Variants in TERB1 observed in about 807,000 individuals in gnomAD.
The protein encoded by TERB1 is telomere repeats-binding bouquet formation protein 1.
In TERB1, 63 loss-of-function variants were observed where a neutral mutation model predicts 92.3. The ratio of observed to expected loss-of-function variants is 0.68; its 90% confidence interval spans 0.56 to 0.84. The LOEUF is 0.84. Among genes scored for constraint, TERB1 ranks in the 40% least tolerant of loss-of-function variants. The pLI is 0.00. For missense variants in TERB1, 709 were observed against 843.7 expected (o/e 0.84, Z 1.98); for synonymous variants, 252 against 283.9 (o/e 0.89, Z 1.13).
chr16:66,763,041 A>G (rs2018278855), intron 16 of TERB1, among the ~76,000 whole-genome samples: 1 of 152,136 alleles, frequency 6.6e-6, no homozygotes, highest in Non-Finnish European at 1.5e-5. Flanking sequence ...TTCATGCTTA[A>G]TATAATCTAA....
chr16:66,796,924 C>A (rs1597029320), intron 2 of TERB1, 94 bp from the exon 3 acceptor site: 2 of 607,138 alleles, frequency 3.3e-6, no homozygotes, highest in East Asian at 3.0e-5. Context: ...TTTCCTGAAG[C>A]CAAAAGACCG....
At chr16:66,763,741 TG>T (rs1020217945) in intron 16 of TERB1, among the ~76,000 whole-genome samples, 1 of 152,060 alleles carries the variant, frequency 6.6e-6, no homozygotes, top group Admixed American at 6.6e-5. Context: ...AAATAAAAGT[TG>T]GAAAAACATT....
intron 16 of TERB1, among the ~76,000 whole-genome samples, chr16:66,763,495 T>G (rs2018287088): frequency 6.6e-6 from 1 of 152,206 alleles, no homozygotes; most frequent in Admixed American, 6.5e-5. Flanking sequence ...GTGTTTTTAC[T>G]AGAATTCCAT....
chr16:66,771,183 A>T (rs971729072), intron 13 of TERB1, among the ~76,000 whole-genome samples: 1 of 152,216 alleles, frequency 6.6e-6, no homozygotes, highest in Admixed American at 6.6e-5. Context: ...ATAGGAAAGG[A>T]AATATTAATA....
At chr16:66,784,225 C>G (rs1380875464) in intron 9 of TERB1, among the ~76,000 whole-genome samples, 1 of 140,744 alleles carries the variant, frequency 7.1e-6, no homozygotes, top group Non-Finnish European at 1.5e-5. Context: ...AATTATTTTT[C>G]TCTATTTCAC....
At chr16:66,778,211 G>A (rs908422665) in intron 10 of TERB1, among the ~76,000 whole-genome samples, 1 of 151,982 alleles carries the variant, frequency 6.6e-6, no homozygotes, top group Non-Finnish European at 1.5e-5. Flanking sequence ...ACATAAATTG[G>A]GTTTTCCATT....
intron 16 of TERB1, among the ~76,000 whole-genome samples, chr16:66,767,174 A>C (rs929307637): frequency 2.3e-5 from 3 of 131,358 alleles, no homozygotes; most frequent in African/African-American, 6.4e-5. Context: ...GAAAAAATAC[A>C]AAAAAAAAAA....
At chr16:66,762,380 TTTTG>T (rs557152645) in intron 16 of TERB1, among the ~76,000 whole-genome samples, 52 of 152,190 alleles carry the variant, frequency 3.4e-4, no homozygotes, top group Non-Finnish European at 4.9e-4. Flanking sequence ...AGGAATTGTT[TTTTG>T]TTTGTTTGTT....
At chr16:66,792,598 C>G (rs1396449663) in intron 3 of TERB1, among the ~76,000 whole-genome samples, 1 of 152,166 alleles carries the variant, frequency 6.6e-6, no homozygotes, top group Non-Finnish European at 1.5e-5. Flanking sequence ...ATAGATTGTA[C>G]AGCCAAGTGT....
chr16:66,785,707 CAAT>C (rs1468155757), intron 9 of TERB1, 76 bp downstream of exon 9: 22 of 1,321,902 alleles, frequency 1.7e-5, no homozygotes, highest in Non-Finnish European at 2.1e-5. Context: ...TCAATTGATT[CAAT>C]AATAAATTCA....
intron 3 of TERB1, among the ~76,000 whole-genome samples, chr16:66,792,315 C>T (rs2018849050): frequency 6.6e-6 from 1 of 152,172 alleles, no homozygotes; most frequent in African/African-American, 2.4e-5. Flanking sequence ...CTACAGCAAA[C>T]ATCATACTTA....
At chr16:66,800,572 C>T (rs363198) in intron 2 of TERB1, among the ~76,000 whole-genome samples, 97 of 151,260 alleles carry the variant, frequency 6.4e-4, no homozygotes, top group African/African-American at 2.0e-3. Flanking sequence ...TTTTTGAAAT[C>T]GAAATATTAT....
Position 66,759,777 on chromosome 16 carries a change from G to A in TERB1, c.1781-487C>T, listed in dbSNP as rs187735554. 3.1e-4 allele frequency among the ~76,000 whole-genome samples: 39 copies of A among 124,886 alleles called. No individual in the cohort carries two copies. The East Asian group carries it at 7.6e-3, about 24-fold the overall frequency. 81.9% of individuals were successfully genotyped at this position (124,886 alleles called of 152,430 possible). A position where few individuals can be genotyped will look rare whatever the true frequency, so the allele number is the denominator to read the frequency against. ...TGTGCCACTGTACTCCAGCCTGGGC[G>A]ACAGAGCAAGACTCTGTCTCAAAAA... is the stretch of plus-strand genomic sequence containing the variant. On this transcript the variant is annotated intron_variant, in intron 16 of 18. Coordinates refer to ENST00000433154, the MANE Select transcript of TERB1 (RefSeq NM_001136505.2).
intron 2 of TERB1, among the ~76,000 whole-genome samples, chr16:66,798,102 C>A (rs1250182895): frequency 1.4e-5 from 2 of 146,588 alleles, no homozygotes; most frequent in Non-Finnish European, 3.0e-5. Flanking sequence ...TACCTAAGCA[C>A]AAAGAAATGT....
Position 66,785,844 on chromosome 16 carries a change from C to T in TERB1, c.642G>A (p.Thr214=), listed in dbSNP as rs77610148. The change falls in exon 9 of 19, where the codon ACG becomes ACA. Residue 214 remains threonine, a synonymous_variant. Coordinates refer to ENST00000433154, the MANE Select transcript of TERB1 (RefSeq NM_001136505.2). ...AAATAGGGCGAATTATCTCAGGTGT[C>T]GTGCAATTTTTTAGCCATTCATTAG... is the stretch of plus-strand genomic sequence containing the variant. ...PHANEWLKNC[T]TPEIIRPICS... The T allele has an allele frequency of 1.6e-5, 25 of 1,548,846 alleles. No homozygotes were observed. Among genetic ancestry groups the T allele is most frequent in the Admixed American group, 1.4e-4 (7 of 50,572 alleles).
At chr16:66,791,824 T>G (rs1252955226) in intron 3 of TERB1, among the ~76,000 whole-genome samples, 1 of 152,158 alleles carries the variant, frequency 6.6e-6, no homozygotes, top group Non-Finnish European at 1.5e-5. Context: ...AAGAAAACTC[T>G]AGGTTCAGAT....
intron 2 of TERB1, among the ~76,000 whole-genome samples, chr16:66,797,063 T>C (rs1057368861): frequency 1.3e-4 from 20 of 152,310 alleles, no homozygotes; most frequent in African/African-American, 4.8e-4. Flanking sequence ...TCCTCATCTG[T>C]AAAATAGAAA....
In TERB1 at chr16:66,775,161, C is replaced by A. The variant is rs1235799587; in HGVS notation, c.1068G>T (p.Leu356=). 6.4e-7 allele frequency: 1 copy of A among 1,551,632 alleles called. No homozygotes were observed. Among genetic ancestry groups the A allele is most frequent in the Admixed American group, 2.0e-5 (1 of 50,996 alleles). The change falls in exon 12 of 19, where the codon CTG becomes CTT. Residue 356 remains leucine (L), a synonymous_variant. Transcript: ENST00000433154. Reference sequence around the variant, plus strand: ...GAAGCACAAATGTGGCAGCTTTGTTCAGTTCCTCATTCTGCGATTCAGTTA... The same window carrying A: ...GAAGCACAAATGTGGCAGCTTTGTTAAGTTCCTCATTCTGCGATTCAGTTA... ...QALTESQNEE[L]NKAATFVLHN...
chr16:66,774,259 C>CA lies in TERB1; in HGVS notation c.1111+858dup, dbSNP rs542445966. ...GGAGTGCAGTGGCGCAATCTCGGCT[C>CA]ACTGCAAGCTCTGCCTCCCGGGTTC... On this transcript the variant is annotated intron_variant, in intron 12 of 18. Coordinates refer to ENST00000433154, the MANE Select transcript of TERB1 (RefSeq NM_001136505.2). Among the ~76,000 whole-genome samples, 16 of 145,540 alleles carry CA rather than the reference C, an allele frequency of 1.1e-4. No homozygotes were observed. The East Asian group carries it at 3.1e-3, about 28-fold the overall frequency.
Sources: gnomAD v4.1 joint callset for allele counts (sites outside exome capture counted in the v4.1 genomes callset) on GRCh38, gnomAD v4.1.1 for gene constraint, MANE v1.5 for transcripts, NCBI Gene and HGNC (gene_info 2026-07-23, HGNC 2026-07-21) for gene names.